The following ADGRL3 variants were observed in gnomAD, a reference collection of about 807,000 sequenced individuals.
ADGRL3 encodes adhesion G protein-coupled receptor L3.
ADGRL3 carries 62 observed loss-of-function variants against 153.5 expected under a neutral mutation model. The observed-to-expected ratio is 0.40, with a 90% confidence interval of 0.33 to 0.50. The LOEUF (loss-of-function observed/expected upper bound fraction) is 0.50, where lower values mean the gene tolerates loss of function less well. ADGRL3 is among the 20% of genes least tolerant of loss of function. The pLI, the probability that ADGRL3 is intolerant of heterozygous loss-of-function variation, is 0.47. For synonymous variants in ADGRL3, 710 were observed against 672.5 expected, an observed-to-expected ratio of 1.06 and a Z score of -0.86; for missense variants, 1,641 against 1,859.4, an observed-to-expected ratio of 0.88 and a Z score of 2.16.
chr4:61,254,361 A>C (rs2091762786), intron 1 of ADGRL3, among the ~76,000 whole-genome samples: 1 of 152,128 alleles, frequency 6.6e-6, no homozygotes, highest in African/African-American at 2.4e-5. Flanking sequence ...ACCTCACATT[A>C]TTTTTTAAGA....
intron 4 of ADGRL3, among the ~76,000 whole-genome samples, chr4:61,583,430 T>C (rs946935060): frequency 6.6e-6 from 1 of 152,080 alleles, no homozygotes; most frequent in African/African-American, 2.4e-5. Flanking sequence ...GACAAGAGGT[T>C]TCAATAATGA....
intron 1 of ADGRL3, among the ~76,000 whole-genome samples, chr4:61,292,128 A>G (rs1293326224): frequency 1.3e-5 from 2 of 151,884 alleles, no homozygotes; most frequent in Non-Finnish European, 2.9e-5. Context: ...GCAACAATTA[A>G]TACTGAAGTC....
chr4:62,058,554 G>A (rs1273361304), intron 25 of ADGRL3, among the ~76,000 whole-genome samples: 1 of 152,046 alleles, frequency 6.6e-6, no homozygotes, highest in African/African-American at 2.4e-5. Context: ...TCTTTTTCAT[G>A]ATGCCTCCCT....
intron 2 of ADGRL3, among the ~76,000 whole-genome samples, chr4:61,384,592 T>C (rs903081973): frequency 1.3e-5 from 2 of 152,002 alleles, no homozygotes; most frequent in African/African-American, 4.8e-5. Flanking sequence ...TACATTGGTT[T>C]CTTCAATATA....
At chr4:61,642,685 C>T (rs2093740639) in intron 5 of ADGRL3, among the ~76,000 whole-genome samples, 1 of 152,170 alleles carries the variant, frequency 6.6e-6, no homozygotes, top group Non-Finnish European at 1.5e-5. Flanking sequence ...GTTTTGGTTA[C>T]TGTAGCCTTG....
chr4:61,615,843 A>T (rs1391804761), intron 5 of ADGRL3, among the ~76,000 whole-genome samples: 1 of 152,120 alleles, frequency 6.6e-6, no homozygotes, highest in Non-Finnish European at 1.5e-5. Context: ...TGAATTTATT[A>T]GTCTGATTTA....
intron 19 of ADGRL3, among the ~76,000 whole-genome samples, chr4:61,993,997 T>C (rs1342021954): frequency 1.3e-5 from 2 of 152,210 alleles, no homozygotes; most frequent in African/African-American, 2.4e-5. Flanking sequence ...AACAGGTTTA[T>C]TGTGTTTACT....
At chr4:61,379,254 G>A (rs1003377762) in intron 1 of ADGRL3, among the ~76,000 whole-genome samples, 3 of 151,960 alleles carry the variant, frequency 2.0e-5, no homozygotes, top group African/African-American at 7.2e-5. Flanking sequence ...AGGCCTAGTT[G>A]TGGAGGTGGA....
rs140221935 is a variant in ADGRL3, at chr4:61,746,713, T to C, written c.1399+13159T>C. Among the ~76,000 whole-genome samples, 1,430 of 152,272 alleles carry C rather than the reference T, an allele frequency of 9.4e-3. 29 individuals carry two copies. Among genetic ancestry groups the C allele is most frequent in the African/African-American group, 0.033 (1,354 of 41,546 alleles). ...TCTGGGACATATTCAAAGCAGTGTG[T>C]AAAGGGAAATTTATAGCACTAAATG... On this transcript the variant is annotated intron_variant, in intron 8 of 26. Coordinates refer to ENST00000683033, the MANE Select transcript of ADGRL3 (RefSeq NM_001387552.1).
At chr4:61,951,153 C>T (rs193213603) in intron 17 of ADGRL3, among the ~76,000 whole-genome samples, 1 of 152,154 alleles carries the variant, frequency 6.6e-6, no homozygotes, top group Non-Finnish European at 1.5e-5. Flanking sequence ...GCTCAGAGTA[C>T]GAGTCTCAAT....
At chr4:61,288,296 G>A (rs2094025206) in intron 1 of ADGRL3, among the ~76,000 whole-genome samples, 1 of 151,828 alleles carries the variant, frequency 6.6e-6, no homozygotes, top group South Asian at 2.1e-4. Flanking sequence ...CTAACCATTA[G>A]CATTAACTAA....
chr4:61,293,121 G>A (rs1190288860), intron 1 of ADGRL3, among the ~76,000 whole-genome samples: 1 of 152,144 alleles, frequency 6.6e-6, no homozygotes, highest in East Asian at 1.9e-4. Flanking sequence ...GCTGAGACAC[G>A]TTGTGTAGCA....
intron 1 of ADGRL3, among the ~76,000 whole-genome samples, chr4:61,368,788 G>A (rs1364456676): frequency 6.6e-6 from 1 of 152,114 alleles, no homozygotes; most frequent in Non-Finnish European, 1.5e-5. Context: ...AGCTTGAGGG[G>A]GATGGCATTG....
chr4:61,692,631 A>G (rs1210864425), intron 6 of ADGRL3, among the ~76,000 whole-genome samples: 2 of 151,912 alleles, frequency 1.3e-5, no homozygotes, highest in Non-Finnish European at 2.9e-5. Context: ...TGTAGTAAAG[A>G]TGGAGTTTTG....
chr4:61,319,738 A>G (rs895606602), intron 1 of ADGRL3, among the ~76,000 whole-genome samples: 3 of 152,218 alleles, frequency 2.0e-5, no homozygotes, highest in Non-Finnish European at 4.4e-5. Context: ...AAAGTGCTAT[A>G]TAAATTAATT....
chr4:61,214,076 A>G (rs1741477453), intron 1 of ADGRL3, among the ~76,000 whole-genome samples: 1 of 152,182 alleles, frequency 6.6e-6, no homozygotes, highest in African/African-American at 2.4e-5. Context: ...TACTATGTAT[A>G]TATGTATAGT....
chr4:61,417,964 G>A (rs1262898985), intron 2 of ADGRL3, among the ~76,000 whole-genome samples: 1 of 152,258 alleles, frequency 6.6e-6, no homozygotes. Context: ...GTTGGGGATT[G>A]AGATTGGTCT....
intron 8 of ADGRL3, among the ~76,000 whole-genome samples, chr4:61,800,576 T>C (rs7657806): frequency 0.05 from 7,640 of 152,258 alleles, 319 homozygotes; most frequent in East Asian, 0.11. Flanking sequence ...AGTGCTGTCT[T>C]AAAAAAGTTG....
At chr4:61,736,842 G>A (rs2096524037) in intron 8 of ADGRL3, among the ~76,000 whole-genome samples, 1 of 152,090 alleles carries the variant, frequency 6.6e-6, no homozygotes, top group South Asian at 2.1e-4. Flanking sequence ...AAATTTGTCA[G>A]TATAATCACA....
Sources: allele counts gnomAD v4.1 joint callset (sites outside exome capture counted in the v4.1 genomes callset), GRCh38; gene constraint gnomAD v4.1.1; transcripts MANE v1.5; gene names NCBI Gene and HGNC (gene_info 2026-07-23, HGNC 2026-07-21).